MUC5AC: variants seen among roughly 807,000 people sequenced by gnomAD.
MUC5AC encodes the protein mucin-5AC.
MUC5AC carries 158 observed loss-of-function variants against 169.7 expected under a neutral mutation model. The observed-to-expected ratio is 0.93, with a 90% confidence interval of 0.82 to 1.06. The LOEUF (loss-of-function observed/expected upper bound fraction) is 1.06, where lower values mean the gene tolerates loss of function less well. Ranked by LOEUF, MUC5AC falls within the 50% of genes least tolerant of loss-of-function variation. The pLI, the probability that MUC5AC is intolerant of heterozygous loss-of-function variation, is 0.00. For missense variants in MUC5AC, 4,359 were observed against 3,089.9 expected, an observed-to-expected ratio of 1.41 and a Z score of -9.74; for synonymous variants, 1,975 against 1,237.0, an observed-to-expected ratio of 1.60 and a Z score of -12.52.
intron 6 of MUC5AC, 43 bp downstream of exon 6, chr11:1,163,088 T>A: frequency 6.4e-7 from 1 of 1,570,318 alleles, no homozygotes; most frequent in Non-Finnish European, 8.8e-7. Context: ...CAGTGTCCCC[T>A]GGGGGCTCAG....
rs1411742618 is a variant in MUC5AC, at chr11:1,164,518, G to T, written c.1115G>T (p.Cys372Phe). 6.2e-7 allele frequency: 1 copy of T among 1,610,710 alleles called. No individual in the cohort carries two copies. The highest frequency in any genetic ancestry group is 2.2e-5 in the East Asian group (1 of 44,852). Residue 372 changes from cysteine (C) to phenylalanine (F), a missense_variant, in exon 9 of 49, where the codon TGC (cysteine) becomes TTC (phenylalanine). Coordinates refer to ENST00000621226, the MANE Select transcript of MUC5AC (RefSeq NM_001304359.2). Reference sequence around the variant, plus strand: ...TGTGAGGACCACTGTGTGGCCGGCTGCTTCTGCCCTGAGGGTGAGGCTCCC... The same window carrying T: ...TGTGAGGACCACTGTGTGGCCGGCTTCTTCTGCCCTGAGGGTGAGGCTCCC... ...RACEDHCVAG[C>F]FCPEGTVLDD...
rs541770944 is a variant in MUC5AC at position 1,168,310 on chromosome 11, G to C, written c.1498-173G>C. Among the ~76,000 whole-genome samples the C allele has an allele frequency of 3.6e-3, 552 of 152,302 alleles. 5 individuals carry two copies. The highest frequency in any genetic ancestry group is 0.013 in the African/African-American group (536 of 41,566). ...CCTTGGTTTTCACTGAAGAATGAAA[G>C]GCATGGTCCTCGCAGAAAATTCAGA... On this transcript the variant is annotated intron_variant, in intron 12 of 48. Transcript: ENST00000621226.
chr11:1,185,487 C>T lies in MUC5AC; in HGVS notation c.7342C>T (p.Pro2448Ser). 1.4e-6 allele frequency: 1 copy of T among 727,612 alleles called. No individual in the cohort carries two copies. The highest frequency in any genetic ancestry group is 1.4e-5 in the South Asian group (1 of 69,742). The allele number at this position is 727,612 out of a possible 1,614,324, so 45.1% of individuals were successfully genotyped here. The change falls in exon 31 of 49, where the codon CCT becomes TCT. Residue 2448 changes from proline to serine, a missense_variant. Transcript: ENST00000621226. ...SAPTTSTTSG[P>S]GTTPSPVPTT... is the part of the protein sequence containing the mutation. ...TCCTACAACCAGCACAACTTCTGGTCCTGGAACTACCCCAAGCCCTGTTCC... is the reference window on the plus strand; with the variant it reads ...TCCTACAACCAGCACAACTTCTGGTTCTGGAACTACCCCAAGCCCTGTTCC...
At chr11:1,176,691 G>A (rs1422288822) in intron 21 of MUC5AC, 26 bp downstream of exon 21, 3 of 398,584 alleles carry the variant, frequency 7.5e-6, no homozygotes, top group East Asian at 7.1e-5. Flanking sequence ...AAAGCCCATG[G>A]GGGGTGTCAG....
At chr11:1,163,676 C>T (rs1318429444) in intron 6 of MUC5AC, among the ~76,000 whole-genome samples, 16 of 152,170 alleles carry the variant, frequency 1.1e-4, no homozygotes, top group Admixed American at 1.0e-3. Flanking sequence ...CCCCATCATT[C>T]CAGACCCCCT....
In MUC5AC at chr11:1,181,479, G is replaced by A. The variant is rs1860813871; in HGVS notation, c.4009+20G>A. The stretch of plus-strand genomic sequence containing the variant: ...CGCTTGGTAAGGCAAATGTGGCCGA[G>A]GAGCCCCAGGGTGAGCCCCCTCCCA... On this transcript the variant is annotated intron_variant, in intron 30 of 48. Transcript: ENST00000621226. 7.4e-6 allele frequency: 2 copies of A among 269,426 alleles called. No individual in the cohort carries two copies. Among genetic ancestry groups the A allele is most frequent in the Non-Finnish European group, 6.0e-6 (1 of 167,890 alleles). 16.7% of individuals were successfully genotyped at this position (269,426 alleles called of 1,614,324 possible).
At chr11:1,200,392 G>A in intron 48 of MUC5AC, 46 bp from the exon 49 acceptor site, 1 of 645,288 alleles carries the variant, frequency 1.5e-6, no homozygotes, top group African/African-American at 1.8e-5. Context: ...TACGGCAGGA[G>A]GCTGGGGTGG....
intron 15 of MUC5AC, among the ~76,000 whole-genome samples, chr11:1,171,160 C>T (rs1438004020): frequency 6.7e-6 from 1 of 149,888 alleles, no homozygotes; most frequent in African/African-American, 2.5e-5. Flanking sequence ...CACCCACTCA[C>T]TCATCCATTC....
chr11:1,177,910 C>T (rs1251883627), intron 24 of MUC5AC, among the ~76,000 whole-genome samples: 4 of 130,574 alleles, frequency 3.1e-5, no homozygotes, highest in Non-Finnish European at 6.4e-5. Flanking sequence ...TCCACAGGGC[C>T]GAACTCTTTC....
intron 15 of MUC5AC, among the ~76,000 whole-genome samples, chr11:1,171,480 CTCACCCACTCACTCACCCATTCACCCAT>C (rs1860532684): frequency 2.0e-5 from 2 of 98,724 alleles, no homozygotes; most frequent in African/African-American, 3.8e-5. Context: ...CACTCACCCA[CTCACCCACTCACTCACCCATTCACCCAT>C]TCACCCACTC....
intron 11 of MUC5AC, among the ~76,000 whole-genome samples, 186 bp downstream of exon 11, chr11:1,165,946 G>A (rs1418155955): frequency 1.3e-5 from 2 of 152,170 alleles, no homozygotes; most frequent in African/African-American, 2.4e-5. Flanking sequence ...CATGAAGGCT[G>A]CAGATCAGAG....
At position 1,189,110 on chromosome 11, in the gene MUC5AC, G is replaced by T; in HGVS notation, c.10965G>T (p.Arg3655Ser). ...TQSTSSWQKSRTTTLVTSSIT... is the reference protein window; with the variant it reads ...TQSTSSWQKSSTTTLVTSSIT... The stretch of plus-strand genomic sequence containing the variant: ...GCACCTCCTCTTGGCAGAAATCCAG[G>T]ACAACCACTTTGGTGACAAGCAGCA... The change falls in exon 31 of 49, where the codon AGG becomes AGT. Residue 3655 changes from arginine to serine, a missense_variant. By Grantham distance (110) the Arg-to-Ser change is moderately radical. Transcript: ENST00000621226. 1.7e-6 allele frequency: 1 copy of T among 589,844 alleles called. No homozygotes were observed. The highest frequency in any genetic ancestry group is 2.2e-5 in the South Asian group (1 of 46,476). The allele number at this position is 589,844 out of a possible 1,614,324, so 36.5% of individuals were successfully genotyped here.
At chr11:1,165,854 C>T (rs1422313106) in intron 11 of MUC5AC, 94 bp downstream of exon 11, 2 of 1,555,128 alleles carry the variant, frequency 1.3e-6, no homozygotes, top group Non-Finnish European at 1.7e-6. Flanking sequence ...GTCACTGCTG[C>T]CCCTGGGGTC....
Position 1,180,134 on chromosome 11 carries a change from C to T in MUC5AC, c.3597C>T (p.Asp1199=), listed in dbSNP as rs1185608786. The T allele has an allele frequency of 2.0e-5, 8 of 397,010 alleles. No homozygotes were observed. The highest frequency in any genetic ancestry group is 1.5e-4 in the African/African-American group (7 of 47,998). The allele number at this position is 397,010 out of a possible 1,614,324, so 24.6% of individuals were successfully genotyped here. The change falls in exon 27 of 49, where the codon GAC becomes GAT. Residue 1199 remains aspartate (D), a synonymous_variant. Transcript: ENST00000621226. ...ACCCCCGTGGAGACTGCCTGCGGGACGTCCGGGGCCTGGAAGGTGGGCTGG... is the reference window on the plus strand; with the variant it reads ...ACCCCCGTGGAGACTGCCTGCGGGATGTCCGGGGCCTGGAAGGTGGGCTGG... The part of the protein sequence containing the change: ...CRNPRGDCLR[D]VRGLEGCYPK...
At position 1,193,495 on chromosome 11, in the gene MUC5AC, C is replaced by T. The variant is rs767009353; in HGVS notation, c.14591C>T (p.Thr4864Ile). Residue 4864 changes from threonine to isoleucine, a missense_variant, in exon 33 of 49, where the codon ACC (threonine) becomes ATC (isoleucine). Thr to Ile is a moderately conservative substitution (Grantham distance 89). Coordinates refer to ENST00000621226, the MANE Select transcript of MUC5AC (RefSeq NM_001304359.2). ...TCTGTGCTTCTGCAGAAAGGTGAGACCTGGGCCACACCCAACTGCTCCGAG... is the reference window on the plus strand; with the variant it reads ...TCTGTGCTTCTGCAGAAAGGTGAGATCTGGGCCACACCCAACTGCTCCGAG... ...NAVPPRKKGETWATPNCSEAT... is the reference protein window; with the variant it reads ...NAVPPRKKGEIWATPNCSEAT... 1 of 742,484 alleles carries T rather than the reference C, an allele frequency of 1.3e-6. No homozygotes were observed. The highest frequency in any genetic ancestry group is 2.5e-6 in the Non-Finnish European group (1 of 407,336). 46.0% of individuals were successfully genotyped at this position (742,484 alleles called of 1,614,324 possible).
At chr11:1,181,758 G>A (rs1021981937) in intron 30 of MUC5AC, among the ~76,000 whole-genome samples, 11 of 152,214 alleles carry the variant, frequency 7.2e-5, no homozygotes, top group Non-Finnish European at 1.3e-4. Flanking sequence ...GGCAGCCCAG[G>A]CTGGCCCCGG....
Position 1,200,814 on chromosome 11 carries a change from CACA to C in MUC5AC, c.*113_*115del. On this transcript the variant is annotated 3_prime_UTR_variant, in exon 49 of 49. Coordinates refer to ENST00000621226, the MANE Select transcript of MUC5AC (RefSeq NM_001304359.2). ...CTGTCCAGGCGGCTGCAGCTTTGAA[CACA>C]CTGTCCACGCCCGCTTTCTTGTGGA... The C allele has an allele frequency of 1.5e-6, 1 of 655,022 alleles. No individual in the cohort carries two copies. The highest frequency in any genetic ancestry group is 2.8e-6 in the Non-Finnish European group (1 of 363,084). 40.6% of individuals were successfully genotyped at this position (655,022 alleles called of 1,614,324 possible). A position where few individuals can be genotyped will look rare whatever the true frequency, so the allele number is the denominator to read the frequency against.
At chr11:1,160,533 C>T in intron 1 of MUC5AC, 79 bp from the exon 2 acceptor site, 2 of 1,258,268 alleles carry the variant, frequency 1.6e-6, no homozygotes, top group Non-Finnish European at 2.2e-6. Context: ...CCTCTGGTGT[C>T]CATGCTGCAT....
In MUC5AC at chr11:1,175,289, G is replaced by A. The variant is rs1255478213; in HGVS notation, c.2401+19G>A. The A allele has an allele frequency of 2.5e-6, 1 of 398,632 alleles. No individual in the cohort carries two copies. 24.7% of individuals were successfully genotyped at this position (398,632 alleles called of 1,614,324 possible). ...GCCCCAGGTGAGTGCCAGAAAGGAG[G>A]CACTGTGGCCCCCAGCCTCCTCATC... On this transcript the variant is annotated intron_variant, in intron 19 of 48. Coordinates refer to ENST00000621226, the MANE Select transcript of MUC5AC (RefSeq NM_001304359.2).
Sources: allele counts gnomAD v4.1 joint callset (sites outside exome capture counted in the v4.1 genomes callset), GRCh38; gene constraint gnomAD v4.1.1; transcripts MANE v1.5; gene names NCBI Gene and HGNC (gene_info 2026-07-23, HGNC 2026-07-21).